Variants in MYBPC1 observed in about 807,000 individuals in gnomAD.
MYBPC1 encodes the protein myosin binding protein C1, also known as myosin-binding protein C, slow-type.
Under a neutral mutation model 147.1 loss-of-function variants are expected in MYBPC1, and 52 were observed. That is an observed-to-expected ratio of 0.35 (90% confidence interval 0.28 to 0.45). The LOEUF (loss-of-function observed/expected upper bound fraction) is 0.45. MYBPC1 is among the 20% of genes least tolerant of loss of function. The pLI, the probability that MYBPC1 is intolerant of heterozygous loss-of-function variation, is 1.00. For missense variants in MYBPC1, 1,228 were observed against 1,440.3 expected, an observed-to-expected ratio of 0.85 and a Z score of 2.39; for synonymous variants, 477 against 475.9, an observed-to-expected ratio of 1.00 and a Z score of -0.03.
intron 9 of MYBPC1, 82 bp from the exon 10 acceptor site, chr12:101,636,590 G>A (rs560531843): frequency 4.3e-4 from 497 of 1,149,040 alleles, no homozygotes; most frequent in Non-Finnish European, 6.1e-4. Context: ...TTGCATATAC[G>A]TTACATGTAG....
chr12:101,638,698 A>G (rs1891452527), intron 10 of MYBPC1, among the ~76,000 whole-genome samples: 1 of 152,254 alleles, frequency 6.6e-6, no homozygotes, highest in South Asian at 2.1e-4. Context: ...AGAAAAAAGA[A>G]CAGACTTTTT....
chr12:101,661,488 C>T (rs1216129671), intron 20 of MYBPC1, among the ~76,000 whole-genome samples: 1 of 152,062 alleles, frequency 6.6e-6, no homozygotes, highest in African/African-American at 2.4e-5. Flanking sequence ...TTTTGTTTGA[C>T]ATTTATACAC....
chr12:101,603,180 A>G (rs895865339), intron 1 of MYBPC1, among the ~76,000 whole-genome samples: 3 of 151,926 alleles, frequency 2.0e-5, no homozygotes, highest in African/African-American at 7.3e-5. Context: ...CCCCATCTCT[A>G]CTAAAAATAC....
At chr12:101,661,021 A>T in intron 19 of MYBPC1, 137 bp from the exon 20 acceptor site, 1 of 619,528 alleles carries the variant, frequency 1.6e-6, no homozygotes, top group Non-Finnish European at 2.9e-6. Flanking sequence ...TATCATAAGC[A>T]TAATTCAGTA....
At chr12:101,612,966 T>A (rs965454841) in intron 1 of MYBPC1, among the ~76,000 whole-genome samples, 3 of 152,260 alleles carry the variant, frequency 2.0e-5, no homozygotes, top group African/African-American at 7.2e-5. Flanking sequence ...GTTTTCACTG[T>A]ATCTGCAAAT....
chr12:101,688,345 G>C (rs1951378959), downstream of MYBPC1, among the ~76,000 whole-genome samples: 1 of 131,028 alleles, frequency 7.6e-6, no homozygotes, highest in South Asian at 2.2e-4. Flanking sequence ...CTTGAACCCG[G>C]GAGGTGGAGG....
chr12:101,646,914 C>A, intron 13 of MYBPC1, 27 bp downstream of exon 13: 1 of 1,613,486 alleles, frequency 6.2e-7, no homozygotes, highest in South Asian at 1.1e-5. Context: ...TTATTGTGGT[C>A]ACCAGGAGCT....
At chr12:101,625,821 C>T (rs1888450568) in intron 3 of MYBPC1, among the ~76,000 whole-genome samples, 1 of 152,076 alleles carries the variant, frequency 6.6e-6, no homozygotes, top group Non-Finnish European at 1.5e-5. Context: ...CGCGGTGGCT[C>T]ACGCCTGTAA....
the MYBPC1 span, among the ~76,000 whole-genome samples, chr12:101,695,079 G>C: frequency 6.6e-6 from 1 of 152,144 alleles, no homozygotes; most frequent in Non-Finnish European, 1.5e-5. Flanking sequence ...ATCATGCCAG[G>C]TTGTTTTTCA....
At position 101,685,666 on chromosome 12, in the gene MYBPC1, A is replaced by G. The variant is rs1412153146; in HGVS notation, c.*104A>G. The G allele has an allele frequency of 6.6e-7, 1 of 1,525,126 alleles. No homozygotes were observed. Among genetic ancestry groups the G allele is most frequent in the African/African-American group, 1.4e-5 (1 of 72,696 alleles). 94.5% of individuals were successfully genotyped at this position (1,525,126 alleles called of 1,614,324 possible). ...TATCTGCGAGACTTACACTCAAGCA[A>G]TCCTGAGGAATACTGAGGGAGGGCC... On this transcript the variant is annotated 3_prime_UTR_variant, in exon 32 of 32. Transcript: ENST00000361466.
At chr12:101,642,278 C>T in intron 10 of MYBPC1, 141 bp from the exon 11 acceptor site, 1 of 862,558 alleles carries the variant, frequency 1.2e-6, no homozygotes, top group Non-Finnish European at 1.9e-6. Flanking sequence ...GCAAGCAAGA[C>T]TTGACTTCTG....
chr12:101,649,144 C>T (rs1325121016), intron 14 of MYBPC1, 116 bp from the exon 15 acceptor site: 2 of 873,526 alleles, frequency 2.3e-6, no homozygotes, highest in Admixed American at 2.1e-5. Flanking sequence ...ACAAATAGTT[C>T]TTGTGTGTCT....
At chr12:101,684,908 T>C (rs564815569) in intron 31 of MYBPC1, among the ~76,000 whole-genome samples, 2 of 152,340 alleles carry the variant, frequency 1.3e-5, no homozygotes, top group South Asian at 2.1e-4. Flanking sequence ...TAAAGGACCA[T>C]GAATTTTTGT....
At chr12:101,679,842 A>T (rs1404383968) in intron 28 of MYBPC1, among the ~76,000 whole-genome samples, 1 of 152,244 alleles carries the variant, frequency 6.6e-6, no homozygotes, top group African/African-American at 2.4e-5. Flanking sequence ...ACTCTCTACA[A>T]TGAGTTAACA....
intron 1 of MYBPC1, among the ~76,000 whole-genome samples, chr12:101,613,146 A>G (rs1377312784): frequency 1.3e-5 from 2 of 152,210 alleles, no homozygotes; most frequent in African/African-American, 4.8e-5. Context: ...TAGCCCCAAA[A>G]TCAGTGATGG....
chr12:101,609,240 G>C (rs1350609133), intron 1 of MYBPC1, among the ~76,000 whole-genome samples: 1 of 152,028 alleles, frequency 6.6e-6, no homozygotes, highest in Non-Finnish European at 1.5e-5. Context: ...TGGACCAGCA[G>C]CATCACCTGG....
chr12:101,652,666 T>G lies in MYBPC1; in HGVS notation c.1527-12T>G. ...TTGGAGTCTTAGAAATACATTTTCC[T>G]TGTTTCCTTAGGATCCACAAGTTAG... On this transcript the variant is annotated splice_polypyrimidine_tract_variant and intron_variant, in intron 16 of 31. Transcript: ENST00000361466. 1 of 1,587,522 alleles carries G rather than the reference T, an allele frequency of 6.3e-7. No individual in the cohort carries two copies. The highest frequency in any genetic ancestry group is 8.7e-7 in the Non-Finnish European group (1 of 1,155,948).
rs1880164796 is a variant in MYBPC1, at chr12:101,601,919, T to C, written c.25+6824T>C. The stretch of plus-strand genomic sequence containing the variant: ...ACTCAAAATGTGTCCTTTTTAATTC[T>C]ACATTTTGTCATGTTTAGAGTTAGA... On this transcript the variant is annotated intron_variant, in intron 1 of 31. Coordinates refer to ENST00000361466, the MANE Select transcript of MYBPC1 (RefSeq NM_002465.4). Among the ~76,000 whole-genome samples the C allele has an allele frequency of 3.9e-5, 6 of 152,242 alleles. No homozygotes were observed. In the South Asian group the frequency reaches 1.2e-3, roughly 31 times the overall value.
At chr12:101,674,919 A>G (rs541624639) in intron 25 of MYBPC1, among the ~76,000 whole-genome samples, 1 of 151,848 alleles carries the variant, frequency 6.6e-6, no homozygotes, top group Non-Finnish European at 1.5e-5. Flanking sequence ...AGCTAGAAAA[A>G]CGTTGTTTCC....
Sources: allele counts gnomAD v4.1 joint callset (sites outside exome capture counted in the v4.1 genomes callset), GRCh38; gene constraint gnomAD v4.1.1; transcripts MANE v1.5; gene names NCBI Gene and HGNC (gene_info 2026-07-23, HGNC 2026-07-21).